The following PBK variants were observed in gnomAD, a reference collection of about 807,000 sequenced individuals.
PBK encodes PDZ binding kinase, also known as lymphokine-activated killer T-cell-originated protein kinase.
In PBK, 22 loss-of-function variants were observed where a neutral mutation model predicts 33.5. That is an observed-to-expected ratio of 0.66 (90% confidence interval 0.47 to 0.94). The LOEUF (loss-of-function observed/expected upper bound fraction) is 0.94, where lower values mean the gene tolerates loss of function less well. Among genes scored for constraint, PBK ranks in the 40% least tolerant of loss-of-function variants. The pLI, the probability that PBK is intolerant of heterozygous loss-of-function variation, is 0.00. For synonymous variants in PBK, 129 were observed against 123.8 expected, an observed-to-expected ratio of 1.04 and a Z score of -0.28; for missense variants, 376 against 383.4, an observed-to-expected ratio of 0.98 and a Z score of 0.16.
Position 27,813,658 on chromosome 8 carries a change from T to G in PBK, c.596-2524A>C, listed in dbSNP as rs889526997. On this transcript the variant is annotated intron_variant, in intron 6 of 7. Coordinates refer to ENST00000301905, the MANE Select transcript of PBK (RefSeq NM_018492.4). ...GTGTGTGAGAATACTCAAGATCTAC[T>G]CTCAGCAAATCTCAAGTGTACAGTA... Among the ~76,000 whole-genome samples the G allele has an allele frequency of 3.3e-5, 5 of 150,994 alleles. No homozygotes were observed. The South Asian group carries it at 6.3e-4, about 19-fold the overall frequency.
chr8:27,812,379 A>G (rs1301797077), intron 6 of PBK: 1 of 152,222 alleles, frequency 6.6e-6, no homozygotes, highest in African/African-American at 2.4e-5. Context: ...ACCCTAGAAG[A>G]AAACCTAGGC....
rs950636684 is a variant in PBK at position 27,822,263 on chromosome 8, T to C, written c.465+56A>G. ...AGATGTCCTGCAAAGTGATTATTTGTTCATTTAAAATATGAACAAAAACAG... is the reference window on the plus strand; with the variant it reads ...AGATGTCCTGCAAAGTGATTATTTGCTCATTTAAAATATGAACAAAAACAG... On this transcript the variant is annotated intron_variant, in intron 5 of 7. Transcript: ENST00000301905. The C allele has an allele frequency of 2.2e-5, 27 of 1,248,762 alleles. No individual in the cohort carries two copies. The South Asian group carries it at 3.2e-4, about 15-fold the overall frequency. The allele number at this position is 1,248,762 out of a possible 1,614,324, so 77.4% of individuals were successfully genotyped here.
chr8:27,827,952 A>G (rs1407880128), intron 3 of PBK, among the ~76,000 whole-genome samples, 153 bp downstream of exon 3: 1 of 152,236 alleles, frequency 6.6e-6, no homozygotes, highest in Non-Finnish European at 1.5e-5. Context: ...GCAAAGTTAC[A>G]AAAGGGTCTA....
intron 6 of PBK, among the ~76,000 whole-genome samples, chr8:27,815,851 G>C (rs1805800118): frequency 6.6e-6 from 1 of 152,206 alleles, no homozygotes; most frequent in Admixed American, 6.5e-5. Flanking sequence ...TGCCACCTAT[G>C]TTAGTGATTG....
At chr8:27,830,263 G>A (rs1806104084) in intron 2 of PBK, among the ~76,000 whole-genome samples, 1 of 143,206 alleles carries the variant, frequency 7.0e-6, no homozygotes. Context: ...AGAACCTTAA[G>A]ACAAATCTTA....
At chr8:27,833,024 TAAA>T (rs551214377) in intron 2 of PBK, 29 bp downstream of exon 2, 3 of 1,030,870 alleles carry the variant, frequency 2.9e-6, no homozygotes, top group African/African-American at 3.3e-5. Context: ...ACAACAATAG[TAAA>T]AAAAAAAATC....
chr8:27,831,564 A>G (rs1478769410), intron 2 of PBK, among the ~76,000 whole-genome samples: 1 of 110,686 alleles, frequency 9.0e-6, no homozygotes, highest in East Asian at 4.6e-4. Flanking sequence ...ACATTTGTAG[A>G]ACACCGTACC....
At chr8:27,829,658 G>A (rs990512938) in intron 2 of PBK, among the ~76,000 whole-genome samples, 5 of 150,930 alleles carry the variant, frequency 3.3e-5, no homozygotes, top group African/African-American at 1.2e-4. Flanking sequence ...ACTAGGTCAG[G>A]AGTTCGAGAC....
chr8:27,826,914 A>G (rs1035116944), intron 3 of PBK, among the ~76,000 whole-genome samples: 4 of 151,068 alleles, frequency 2.6e-5, no homozygotes, highest in Non-Finnish European at 4.4e-5. Flanking sequence ...GGGGAAAAAA[A>G]TGAAACTAGC....
intron 4 of PBK, 98 bp from the exon 5 acceptor site, chr8:27,822,586 C>T (rs1401824365): frequency 6.9e-6 from 5 of 728,406 alleles, no homozygotes; most frequent in South Asian, 4.3e-5. Context: ...TCTGGACTAA[C>T]GCTGACAAAT....
chr8:27,819,076 G>A (rs1585426032), intron 6 of PBK, among the ~76,000 whole-genome samples: 2 of 152,152 alleles, frequency 1.3e-5, no homozygotes, highest in East Asian at 3.8e-4. Flanking sequence ...ATTTTGGCAT[G>A]AGTATCATCG....
chr8:27,826,114 G>A (rs1470013893), intron 3 of PBK, among the ~76,000 whole-genome samples: 2 of 151,994 alleles, frequency 1.3e-5, no homozygotes, highest in African/African-American at 2.4e-5. Context: ...TACATATGAA[G>A]AATTAGCAGT....
intron 2 of PBK, among the ~76,000 whole-genome samples, chr8:27,828,582 G>A (rs1013401030): frequency 6.6e-6 from 1 of 151,492 alleles, no homozygotes; most frequent in African/African-American, 2.4e-5. Context: ...GCAACATAAA[G>A]AGACTCCATC....
chr8:27,811,858 T>C (rs1187466419), intron 6 of PBK: 1 of 152,238 alleles, frequency 6.6e-6, no homozygotes, highest in Non-Finnish European at 1.5e-5. Context: ...TTTTAGACTT[T>C]TTTGGTTATT....
chr8:27,826,499 T>TG (rs111298178), intron 3 of PBK, among the ~76,000 whole-genome samples: 14,358 of 135,514 alleles, frequency 0.11, 1,090 homozygotes, highest in East Asian at 0.27. Context: ...TCAGGAGGAG[T>TG]GTAGGGTCAG....
intron 7 of PBK, 36 bp downstream of exon 7, chr8:27,810,922 A>G (rs773285324): frequency 2.4e-6 from 3 of 1,259,320 alleles, no homozygotes; most frequent in Non-Finnish European, 3.5e-6. Flanking sequence ...TGTGAAATGA[A>G]GAGATTGGGA....
chr8:27,822,428 C>A lies in PBK; in HGVS notation c.356G>T (p.Gly119Val), dbSNP rs185478648. ...TATTAAGTCATTTAGAGACTTTTCA[C>A]CTCCATATTCCATAGCAAGACACAG... Reference protein sequence around the residue: ...GSLCLAMEYGGEKSLNDLIEE... With the variant: ...GSLCLAMEYGVEKSLNDLIEE... Residue 119 changes from glycine to valine, a missense_variant, in exon 5 of 8, where the codon GGT becomes GTT. Physicochemically the swap from Gly to Val is moderately radical, Grantham distance 109 (BLOSUM62 -3). Transcript: ENST00000301905. The A allele has an allele frequency of 6.1e-5, 98 of 1,611,788 alleles. No individual in the cohort carries two copies. Among genetic ancestry groups the A allele is most frequent in the Non-Finnish European group, 7.8e-5 (92 of 1,178,158 alleles).
At chr8:27,832,900 T>C in intron 2 of PBK, 156 bp downstream of exon 2, 2 of 548,018 alleles carry the variant, frequency 3.6e-6, no homozygotes, top group Admixed American at 3.3e-5. Flanking sequence ...CCGTGGCCTA[T>C]AAAATAAGTC....
intron 6 of PBK, among the ~76,000 whole-genome samples, chr8:27,814,633 A>C (rs1585422729): frequency 6.6e-6 from 1 of 152,250 alleles, no homozygotes; most frequent in African/African-American, 2.4e-5. Context: ...TTTCCAATAT[A>C]ATTTACAACT....
Sources: gnomAD v4.1 joint callset for allele counts (sites outside exome capture counted in the v4.1 genomes callset) on GRCh38, gnomAD v4.1.1 for gene constraint, MANE v1.5 for transcripts, NCBI Gene and HGNC (gene_info 2026-07-23, HGNC 2026-07-21) for gene names.